DNAH9: variants seen among roughly 807,000 people sequenced by gnomAD.
DNAH9 encodes DNAH9 variant protein.
A neutral mutation model predicts 471.6 loss-of-function variants in DNAH9; 345 were observed. The observed-to-expected ratio is 0.73, with a 90% CI of 0.67 to 0.80. The LOEUF (loss-of-function observed/expected upper bound fraction) is 0.80. DNAH9 is among the 30% of genes least tolerant of loss of function. DNAH9 has a pLI of 0.00. For missense variants in DNAH9, 5,407 were observed against 5,609.2 expected (o/e 0.96, Z 1.15); for synonymous variants, 2,093 against 2,123.6 (o/e 0.99, Z 0.40).
In DNAH9 at chr17:11,807,866, G is replaced by A. The variant is rs146734343; in HGVS notation, c.8555G>A (p.Arg2852His). 113 of 1,612,052 alleles carry A rather than the reference G, an allele frequency of 7.0e-5. No individual in the cohort carries two copies. The highest frequency in any genetic ancestry group is 3.6e-4 in the African/African-American group (27 of 74,906). ...SSMDVFQITL[R>H]KGYQIQDFKM... ...ATGGATGTCTTCCAGATCACACTGCGCAAAGGCTACCAGATCCAGGACTTC... is the reference window on the plus strand; with the variant it reads ...ATGGATGTCTTCCAGATCACACTGCACAAAGGCTACCAGATCCAGGACTTC... The change falls in exon 44 of 69, where the codon CGC (arginine) becomes CAC (histidine). Residue 2852 changes from arginine to histidine, a missense_variant. This residue lies in a region of DNAH9 where 4,636 missense variants were observed against 4,900.3 expected (regional missense o/e 0.95). Coordinates refer to ENST00000262442, the MANE Select transcript of DNAH9 (RefSeq NM_001372.4).
chr17:11,900,045 C>T (rs1973353981), intron 59 of DNAH9, among the ~76,000 whole-genome samples: 1 of 151,746 alleles, frequency 6.6e-6, no homozygotes, highest in African/African-American at 2.4e-5. Context: ...GCATTTGTAT[C>T]TACATAACAG....
At chr17:11,965,933 A>T (rs1301970027) in intron 68 of DNAH9, among the ~76,000 whole-genome samples, 1 of 152,196 alleles carries the variant, frequency 6.6e-6, no homozygotes, top group East Asian at 1.9e-4. Context: ...GAAGAAAAAA[A>T]TGAGAAAATG....
rs1296291721 is a variant in DNAH9, at chr17:11,698,210, TATA to T, written c.4873-1518_4873-1516del. 9.6e-5 allele frequency among the ~76,000 whole-genome samples: 12 copies of T among 124,750 alleles called. No individual in the cohort carries two copies. In the South Asian group the frequency reaches 2.5e-3, roughly 26 times the overall value. 81.8% of individuals were successfully genotyped at this position (124,750 alleles called of 152,430 possible). ...TATTAATATAATAATATATTAATAA[TATA>T]ATTATATTAATATAATAGCAATATA... On this transcript the variant is annotated intron_variant, in intron 22 of 68. Transcript: ENST00000262442.
chr17:11,773,983 A>G (rs1968320930), intron 38 of DNAH9, among the ~76,000 whole-genome samples: 1 of 152,062 alleles, frequency 6.6e-6, no homozygotes, highest in South Asian at 2.1e-4. Context: ...TACAAAAAAA[A>G]AAATTAGCCA....
At chr17:11,762,827 T>C (rs1967769299) in intron 35 of DNAH9, among the ~76,000 whole-genome samples, 1 of 141,872 alleles carries the variant, frequency 7.0e-6, no homozygotes, top group African/African-American at 2.6e-5. Flanking sequence ...TAACCCAGGC[T>C]GGAATGCAGT....
At chr17:11,850,339 T>G (rs1971371705) in intron 49 of DNAH9, among the ~76,000 whole-genome samples, 1 of 152,102 alleles carries the variant, frequency 6.6e-6, no homozygotes, top group African/African-American at 2.4e-5. Context: ...GCCTAACAAT[T>G]CCTGCCTTCT....
At chr17:11,939,492 C>T (rs978613276) in intron 66 of DNAH9, among the ~76,000 whole-genome samples, 2 of 152,186 alleles carry the variant, frequency 1.3e-5, no homozygotes, top group Non-Finnish European at 1.5e-5. Context: ...GTGCAGGTTA[C>T]TGGGTGCACA....
intron 38 of DNAH9, among the ~76,000 whole-genome samples, chr17:11,777,114 A>G (rs1968467019): frequency 6.6e-6 from 1 of 152,186 alleles, no homozygotes; most frequent in South Asian, 2.1e-4. Flanking sequence ...TGCCTCCTAG[A>G]ATTTGGTGCC....
intron 50 of DNAH9, among the ~76,000 whole-genome samples, chr17:11,866,336 T>C (rs1045679026): frequency 8.5e-5 from 13 of 152,134 alleles, no homozygotes; most frequent in South Asian, 2.1e-4. Flanking sequence ...ACAGTGGTTT[T>C]TCTTGAACCG....
intron 67 of DNAH9, among the ~76,000 whole-genome samples, chr17:11,959,027 CA>C (rs1975850689): frequency 6.6e-6 from 1 of 152,090 alleles, no homozygotes; most frequent in Non-Finnish European, 1.5e-5. Context: ...ATTTAAAAAT[CA>C]TATGATCATC....
intron 37 of DNAH9, 100 bp from the exon 38 acceptor site, chr17:11,769,022 G>T (rs914036399): frequency 2.4e-6 from 3 of 1,254,770 alleles, no homozygotes; most frequent in Non-Finnish European, 3.5e-6. Flanking sequence ...GAGCTCCATC[G>T]TGACGGAATC....
intron 49 of DNAH9, among the ~76,000 whole-genome samples, chr17:11,848,307 A>G (rs1011892697): frequency 3.9e-5 from 6 of 152,014 alleles, no homozygotes; most frequent in Non-Finnish European, 8.8e-5. Context: ...TGTCAACATG[A>G]AAAAAAAGTT....
intron 61 of DNAH9, among the ~76,000 whole-genome samples, chr17:11,920,519 G>C (rs1974103985): frequency 6.6e-6 from 1 of 151,328 alleles, no homozygotes; most frequent in Non-Finnish European, 1.5e-5. Context: ...TACTCGGGAG[G>C]CTGAGGCAGG....
At chr17:11,671,490 T>A (rs2073971745) in intron 17 of DNAH9, among the ~76,000 whole-genome samples, 1 of 152,122 alleles carries the variant, frequency 6.6e-6, no homozygotes, top group South Asian at 2.1e-4. Context: ...AGGCTCAGGA[T>A]TGGCGAGTTT....
Position 11,702,864 on chromosome 17 carries a change from G to A in DNAH9, c.5152-1339G>A, listed in dbSNP as rs1030902332. Among the ~76,000 whole-genome samples the A allele has an allele frequency of 3.3e-5, 5 of 152,100 alleles. No homozygotes were observed. In the East Asian group the frequency reaches 9.7e-4, roughly 29 times the overall value. ...TCCCAGCACTTTGGGAGGCTGAGGT[G>A]GGTGGATCACGAGGTCAGGAGATCG... On this transcript the variant is annotated intron_variant, in intron 24 of 68. Transcript: ENST00000262442.
Position 11,962,749 on chromosome 17 carries a change from C to T in DNAH9, c.13233+493C>T, listed in dbSNP as rs993772159. 1.5e-4 allele frequency among the ~76,000 whole-genome samples: 23 copies of T among 152,082 alleles called. No individual in the cohort carries two copies. Among genetic ancestry groups the T allele is most frequent in the Admixed American group, 3.3e-4 (5 of 15,270 alleles). Reference sequence around the variant, plus strand: ...CACGATCTTAGCTCACTGCAACCTCCGCCTCCCGAGTTCAAGCAATTCTCC... The same window carrying T: ...CACGATCTTAGCTCACTGCAACCTCTGCCTCCCGAGTTCAAGCAATTCTCC... On this transcript the variant is annotated intron_variant, in intron 68 of 68. Transcript: ENST00000262442. This position sits in a 1 kb window ranked among gnomAD's most constrained non-coding sequence, Gnocchi z 4.1.
At chr17:11,802,501 A>G (rs2108442) in intron 43 of DNAH9, among the ~76,000 whole-genome samples, 104,539 of 151,890 alleles carry the variant, frequency 0.69, 36,162 homozygotes, top group African/African-American at 0.71. Flanking sequence ...GCATGGTGGC[A>G]GACACCTGTA....
At chr17:11,820,363 T>C (rs1295337629) in intron 45 of DNAH9, among the ~76,000 whole-genome samples, 1 of 152,140 alleles carries the variant, frequency 6.6e-6, no homozygotes, top group Non-Finnish European at 1.5e-5. Flanking sequence ...TATTGTCTCA[T>C]TAATACAGTG....
At chr17:11,759,709 C>G (rs1050363301) in intron 35 of DNAH9, among the ~76,000 whole-genome samples, 2 of 137,118 alleles carry the variant, frequency 1.5e-5, no homozygotes, top group African/African-American at 5.5e-5. Flanking sequence ...TTTTTTTGGT[C>G]AGAGTCTCGC....
Sources: allele counts gnomAD v4.1 joint callset (sites outside exome capture counted in the v4.1 genomes callset), GRCh38; gene constraint gnomAD v4.1.1; regional missense constraint gnomAD v4.1.1; non-coding constraint Gnocchi (gnomAD v3.1); transcripts MANE v1.5; gene names NCBI Gene and HGNC (gene_info 2026-07-23, HGNC 2026-07-21).